The following OXR1 variants were observed in gnomAD, a reference collection of about 807,000 sequenced individuals.
OXR1 encodes the protein oxidation resistance protein 1.
In OXR1, 41 loss-of-function variants were observed where a neutral mutation model predicts 104.6. The ratio of observed to expected loss-of-function variants is 0.39; its 90% CI spans 0.31 to 0.51. The LOEUF (loss-of-function observed/expected upper bound fraction) is 0.51. Among genes scored for constraint, OXR1 ranks in the 20% least tolerant of loss-of-function variants. OXR1 has a pLI of 0.77. For missense variants in OXR1, 955 were observed against 1,031.9 expected, an observed-to-expected ratio of 0.93 and a Z score of 1.02; for synonymous variants, 348 against 348.4, an observed-to-expected ratio of 1.00 and a Z score of 0.01.
chr8:106,359,883 A>G (rs1245385741), intron 2 of OXR1, among the ~76,000 whole-genome samples: 1 of 152,124 alleles, frequency 6.6e-6, no homozygotes, highest in African/African-American at 2.4e-5. Flanking sequence ...GACCTCCAAT[A>G]CCTTTCTTCC....
chr8:106,632,607 C>T (rs1309852894), intron 3 of OXR1, among the ~76,000 whole-genome samples: 2 of 152,174 alleles, frequency 1.3e-5, no homozygotes, highest in Admixed American at 6.5e-5. Context: ...CTTTATATAC[C>T]TCTTTTTTTT....
intron 3 of OXR1, among the ~76,000 whole-genome samples, chr8:106,664,674 C>T (rs1382897348): frequency 1.3e-5 from 2 of 152,216 alleles, no homozygotes; most frequent in South Asian, 4.1e-4. Flanking sequence ...TTGAAAGGTG[C>T]AACAATTTGG....
In OXR1 at chr8:106,629,951, A is replaced by G. The variant is rs183249121; in HGVS notation, c.221-49259A>G. Among the ~76,000 whole-genome samples the G allele has an allele frequency of 2.0e-5, 3 of 152,334 alleles. No individual in the cohort carries two copies. In the East Asian group the frequency reaches 5.8e-4, roughly 29 times the overall value. On this transcript the variant is annotated intron_variant, in intron 3 of 16. Transcript: ENST00000517566. ...AGTCAATGTGATCTAAATACAGTAT[A>G]TCTATAAAGTACAATCTCTTTCTTA... is the stretch of plus-strand genomic sequence containing the variant.
chr8:106,669,285 A>AT (rs1826676585), intron 3 of OXR1, among the ~76,000 whole-genome samples: 1 of 152,178 alleles, frequency 6.6e-6, no homozygotes, highest in Non-Finnish European at 1.5e-5. Flanking sequence ...AAGAGAAGAT[A>AT]TTACAATACA....
At chr8:106,372,010 C>G (rs983543909) in intron 2 of OXR1, among the ~76,000 whole-genome samples, 1 of 152,248 alleles carries the variant, frequency 6.6e-6, no homozygotes, top group African/African-American at 2.4e-5. Context: ...ACAAGGAGCT[C>G]AAAGGACTTA....
At chr8:106,544,590 A>G (rs1467253168) in intron 3 of OXR1, among the ~76,000 whole-genome samples, 1 of 152,222 alleles carries the variant, frequency 6.6e-6, no homozygotes, top group Non-Finnish European at 1.5e-5. Flanking sequence ...TTTGACTGAC[A>G]TAGCACTACG....
intron 1 of OXR1, among the ~76,000 whole-genome samples, chr8:106,316,332 C>T (rs1813935377): frequency 6.6e-6 from 1 of 152,136 alleles, no homozygotes; most frequent in African/African-American, 2.4e-5. Context: ...CCAGGAAGAG[C>T]AGTCTGAAGA....
chr8:106,581,181 G>A, intron 3 of OXR1: 1 of 1,280,770 alleles, frequency 7.8e-7, no homozygotes, highest in South Asian at 1.3e-5. Flanking sequence ...ATTTGAAAGA[G>A]AACTTGACAA....
Position 106,297,274 on chromosome 8 carries a change from A to G in OXR1, c.-139+26907A>G, listed in dbSNP as rs146938042. On this transcript the variant is annotated intron_variant, in intron 1 of 16. Transcript: ENST00000517566. The stretch of plus-strand genomic sequence containing the variant: ...TGATTATATAATTTTATTTTATCTT[A>G]TATCAGATATATTATTTTTTCTTGG... Among the ~76,000 whole-genome samples, 519 of 152,194 alleles carry G rather than the reference A, an allele frequency of 3.4e-3. 4 individuals carry two copies. The highest frequency in any genetic ancestry group is 0.011 in the African/African-American group (462 of 41,536).
intron 3 of OXR1, among the ~76,000 whole-genome samples, chr8:106,617,518 T>TG (rs1231903484): frequency 1.3e-5 from 2 of 152,196 alleles, no homozygotes; most frequent in Admixed American, 1.3e-4. Flanking sequence ...TTAGTGCTGT[T>TG]GTGTGGACTT....
chr8:106,578,987 CTTTTT>C (rs71307073), intron 3 of OXR1, among the ~76,000 whole-genome samples: 1 of 137,910 alleles, frequency 7.3e-6, no homozygotes, highest in Non-Finnish European at 1.5e-5. Context: ...CTTTTTCTTT[CTTTTT>C]TTTTTTTTTT....
intron 2 of OXR1, 109 bp from the exon 3 acceptor site, chr8:106,518,834 T>C: frequency 1.5e-6 from 1 of 685,990 alleles, no homozygotes; most frequent in Non-Finnish European, 2.4e-6. Context: ...ATAGATGTGG[T>C]TCTATCTCAA....
At chr8:106,447,963 C>G (rs552852700) in intron 2 of OXR1, 23 of 1,535,340 alleles carry the variant, frequency 1.5e-5, no homozygotes, top group Non-Finnish European at 1.7e-5. Flanking sequence ...TAACAGAACT[C>G]TGATCAGATC....
At chr8:106,326,955 T>G (rs1814495766) in intron 1 of OXR1, among the ~76,000 whole-genome samples, 1 of 152,368 alleles carries the variant, frequency 6.6e-6, no homozygotes, top group Admixed American at 6.5e-5. Flanking sequence ...TAATTAATAC[T>G]TCCTTTATGA....
At chr8:106,694,098 G>T (rs1408727388) in intron 7 of OXR1, among the ~76,000 whole-genome samples, 2 of 151,424 alleles carry the variant, frequency 1.3e-5, no homozygotes, top group African/African-American at 4.8e-5. Context: ...TTTCTAATTC[G>T]ATTCTGTGTG....
intron 2 of OXR1, among the ~76,000 whole-genome samples, chr8:106,360,857 G>T (rs1294337088): frequency 6.6e-6 from 1 of 152,158 alleles, no homozygotes; most frequent in African/African-American, 2.4e-5. Context: ...TGTAGGAGAT[G>T]AATTCTCAAA....
At chr8:106,691,788 A>G (rs1829313478) in intron 6 of OXR1, among the ~76,000 whole-genome samples, 1 of 150,876 alleles carries the variant, frequency 6.6e-6, no homozygotes, top group African/African-American at 2.4e-5. Flanking sequence ...TTTTCTTAGC[A>G]TATTTTTGAG....
chr8:106,581,058 C>G, intron 3 of OXR1: 1 of 1,165,924 alleles, frequency 8.6e-7, no homozygotes, highest in Non-Finnish European at 1.1e-6. Context: ...GTGTAGACTT[C>G]TCACTTCAAT....
chr8:106,475,397 A>T (rs1424533714), intron 2 of OXR1, among the ~76,000 whole-genome samples: 3 of 151,916 alleles, frequency 2.0e-5, no homozygotes, highest in African/African-American at 7.2e-5. Context: ...CCTTGTCTTC[A>T]CATTGAGTAG....
Sources: allele counts gnomAD v4.1 joint callset (sites outside exome capture counted in the v4.1 genomes callset), GRCh38; gene constraint gnomAD v4.1.1; transcripts MANE v1.5; gene names NCBI Gene and HGNC (gene_info 2026-07-23, HGNC 2026-07-21).